SVIL: variants seen among roughly 807,000 people sequenced by gnomAD.
SVIL encodes the protein archvillin.
Under a neutral mutation model 240.4 loss-of-function variants are expected in SVIL, and 101 were observed. The observed-to-expected ratio is 0.42, with a 90% confidence interval of 0.36 to 0.50. SVIL has a LOEUF of 0.50. SVIL is among the 20% of genes least tolerant of loss of function. The pLI is 0.01. For missense variants in SVIL, 2,512 were observed against 2,818.7 expected (o/e 0.89, Z 2.46); for synonymous variants, 999 against 1,100.0 (o/e 0.91, Z 1.82).
intron 29 of SVIL, among the ~76,000 whole-genome samples, chr10:29,478,874 G>A (rs1166302766): frequency 7.0e-6 from 1 of 142,580 alleles, no homozygotes; most frequent in Non-Finnish European, 1.5e-5. Context: ...GCAGTGAGCC[G>A]AGATTCTGCC....
At chr10:29,601,182 G>T (rs936197840) in intron 1 of SVIL, among the ~76,000 whole-genome samples, 1 of 152,054 alleles carries the variant, frequency 6.6e-6, no homozygotes, top group African/African-American at 2.4e-5. Context: ...AGTTCCTAGA[G>T]CAAAAGCATT....
chr10:29,505,784 T>C (rs1451701026), intron 17 of SVIL, among the ~76,000 whole-genome samples: 4 of 152,156 alleles, frequency 2.6e-5, no homozygotes, highest in Non-Finnish European at 5.9e-5. Flanking sequence ...GCAGGGATGA[T>C]GCAGGAACTC....
rs1400522742 is a variant in SVIL at position 29,494,916 on chromosome 10, T to C, written c.3839A>G (p.Lys1280Arg). ...GCCTTCTGGCTTCCAGTAGGTACCT[T>C]TGTTATTCAGCCTTCTTAGAAAGGT... is the stretch of plus-strand genomic sequence containing the variant. ...LETFLRRLNN[K>R]VGGMHETVLT... The change falls in exon 20 of 38, where the codon AAA becomes AGA. Residue 1280 changes from lysine (K) to arginine (R), a missense_variant and splice_region_variant. Coordinates refer to ENST00000355867, the MANE Select transcript of SVIL (RefSeq NM_021738.3). 5 of 1,613,024 alleles carry C rather than the reference T, an allele frequency of 3.1e-6. No individual in the cohort carries two copies. The African/African-American group carries it at 6.7e-5, about 22-fold the overall frequency.
intron 16 of SVIL, among the ~76,000 whole-genome samples, chr10:29,516,210 A>G (rs61849306): frequency 0.072 from 10,938 of 151,992 alleles, 445 homozygotes; most frequent in South Asian, 0.11. Context: ...CCATTCCAAA[A>G]CCCTGAAATT....
At chr10:29,521,366 G>C (rs957634786) in intron 16 of SVIL, among the ~76,000 whole-genome samples, 8 of 152,180 alleles carry the variant, frequency 5.3e-5, no homozygotes, top group Non-Finnish European at 8.8e-5. Flanking sequence ...CGTGTGGTGG[G>C]AGGTGCTGAG....
At chr10:29,597,169 G>A (rs182167681) in intron 1 of SVIL, among the ~76,000 whole-genome samples, 3 of 152,286 alleles carry the variant, frequency 2.0e-5, no homozygotes, top group Admixed American at 1.3e-4. Flanking sequence ...TTGGGCATAC[G>A]CGTTAAGAGA....
At chr10:29,470,669 C>G (rs1945468608) in intron 31 of SVIL, among the ~76,000 whole-genome samples, 186 bp from the exon 32 acceptor site, 2 of 151,142 alleles carry the variant, frequency 1.3e-5, no homozygotes, top group Non-Finnish European at 2.9e-5. Context: ...TCAGGCCTTC[C>G]TGCCAGCCTA....
chr10:29,532,771 A>G lies in SVIL; in HGVS notation c.1596T>C (p.Gly532=), dbSNP rs1169978644. 6.2e-7 allele frequency: 1 copy of G among 1,613,798 alleles called. No individual in the cohort carries two copies. The highest frequency in any genetic ancestry group is 2.2e-5 in the East Asian group (1 of 44,854). ...EPVSQDAKPT[G]HNREASKKRK... is the part of the protein sequence containing the mutation. Reference sequence around the variant, plus strand: ...GCTTTTTCGAGGCTTCCCTGTTGTGACCAGTTGGTTTGGCGTCTTGGGACA... The same window carrying G: ...GCTTTTTCGAGGCTTCCCTGTTGTGGCCAGTTGGTTTGGCGTCTTGGGACA... The change falls in exon 8 of 38, where the codon GGT becomes GGC. Residue 532 remains glycine (G), a synonymous_variant. Transcript: ENST00000355867.
chr10:29,504,199 G>T (rs1020085772), intron 17 of SVIL, among the ~76,000 whole-genome samples: 1 of 151,974 alleles, frequency 6.6e-6, no homozygotes, highest in Non-Finnish European at 1.5e-5. Context: ...ACTAAAAATG[G>T]ATCACAAAAG....
upstream of SVIL, among the ~76,000 whole-genome samples, chr10:29,636,223 T>A (rs925739430): frequency 2.0e-5 from 3 of 152,176 alleles, no homozygotes; most frequent in Non-Finnish European, 4.4e-5. Context: ...ATTGGCTTTT[T>A]CCTCATTTTA....
At chr10:29,720,578 A>G (rs932814263) in intron 1 of SVIL, among the ~76,000 whole-genome samples, 1 of 152,228 alleles carries the variant, frequency 6.6e-6, no homozygotes. Context: ...ATATGGATAT[A>G]CACAAAGGAA....
intron 3 of SVIL, among the ~76,000 whole-genome samples, chr10:29,643,188 C>T (rs1001095672): frequency 6.6e-6 from 1 of 152,176 alleles, no homozygotes; most frequent in African/African-American, 2.4e-5. Context: ...TTTCTGGACT[C>T]AAGATGATGT....
chr10:29,542,620 T>C (rs1247626777), intron 6 of SVIL, among the ~76,000 whole-genome samples: 2 of 152,202 alleles, frequency 1.3e-5, no homozygotes, highest in Non-Finnish European at 2.9e-5. Context: ...GTAATAATCA[T>C]GTCATGGAGA....
chr10:29,465,781 T>C (rs1732970436), intron 33 of SVIL, 31 bp from the exon 34 acceptor site: 1 of 1,604,586 alleles, frequency 6.2e-7, no homozygotes, highest in Non-Finnish European at 8.5e-7. Flanking sequence ...AAGCTGAAGA[T>C]ATCATGTGCA....
chr10:29,668,479 T>C (rs781225361), intron 2 of SVIL, among the ~76,000 whole-genome samples: 1 of 146,702 alleles, frequency 6.8e-6, no homozygotes, highest in African/African-American at 2.7e-5. Context: ...TCTAAGATAA[T>C]TTTTTTTTCT....
chr10:29,546,146 T>C (rs1952664924), intron 6 of SVIL, among the ~76,000 whole-genome samples: 1 of 152,224 alleles, frequency 6.6e-6, no homozygotes, highest in Non-Finnish European at 1.5e-5. Context: ...CTCAGGTGTT[T>C]AAAAATCTGA....
At position 29,655,867 on chromosome 10, in the gene SVIL, T is replaced by C. The variant is rs554737699; in HGVS notation, c.-201+2102A>G. On this transcript the variant is annotated intron_variant, in intron 3 of 35. Transcript: ENST00000375400. ...CTATTCCTAGTCTGTTGAGTGTGTA[T>C]GTGTGGGTTTTTTTTTTTTTTTTCT... Among the ~76,000 whole-genome samples, 38 of 142,752 alleles carry C rather than the reference T, an allele frequency of 2.7e-4. 3 individuals carry two copies. The South Asian group carries it at 8.9e-3, about 33-fold the overall frequency. The allele number at this position is 142,752 out of a possible 152,430, so 93.7% of individuals were successfully genotyped here.
At chr10:29,593,862 T>G (rs1033524077) in intron 1 of SVIL, among the ~76,000 whole-genome samples, 8 of 152,172 alleles carry the variant, frequency 5.3e-5, no homozygotes, top group African/African-American at 1.9e-4. Flanking sequence ...TACCCAGTTC[T>G]AAGAAACTTG....
At chr10:29,611,177 C>T (rs1279250524) in intron 1 of SVIL, among the ~76,000 whole-genome samples, 3 of 152,100 alleles carry the variant, frequency 2.0e-5, no homozygotes, top group Non-Finnish European at 4.4e-5. Context: ...ACAGTCCCGC[C>T]GTCTATTCCT....
Sources: allele counts gnomAD v4.1 joint callset (sites outside exome capture counted in the v4.1 genomes callset), GRCh38; gene constraint gnomAD v4.1.1; transcripts MANE v1.5; gene names NCBI Gene and HGNC (gene_info 2026-07-23, HGNC 2026-07-21).